Variants in ARSF observed in about 807,000 individuals in gnomAD.
ARSF encodes the protein arylsulfatase F.
Under a neutral mutation model 35.4 loss-of-function variants are expected in ARSF, and 33 were observed. The observed-to-expected ratio is 0.93, with a 90% CI of 0.71 to 1.25. The LOEUF is 1.25. Among genes scored for constraint, ARSF ranks in the 50% most tolerant of loss-of-function variants. ARSF has a pLI of 0.00. For missense variants in ARSF, 501 were observed against 480.2 expected (o/e 1.04, Z -0.40); for synonymous variants, 222 against 193.1 (o/e 1.15, Z -1.24).
chrX:3,073,233 A>G (rs1157557227), intron 3 of ARSF, among the ~76,000 whole-genome samples: 3 of 87,106 alleles, frequency 3.4e-5, no homozygotes, highest in Non-Finnish European at 6.8e-5. Flanking sequence ...ATATAAATAT[A>G]TATTTATATA....
intron 2 of ARSF, among the ~76,000 whole-genome samples, chrX:3,070,152 G>A (rs2090093071): frequency 1.8e-5 from 2 of 111,697 alleles, no homozygotes; most frequent in Non-Finnish European, 3.8e-5. Context: ...TGGTATTGGT[G>A]TTTCTGTGCC....
intron 8 of ARSF, among the ~76,000 whole-genome samples, chrX:3,102,991 A>G (rs909179221): frequency 8.9e-6 from 1 of 112,151 alleles, no homozygotes; most frequent in African/African-American, 3.2e-5. Flanking sequence ...ATAAGAGTCA[A>G]TTAACACAGG....
At chrX:3,082,701 C>T (rs1193660104) in intron 5 of ARSF, among the ~76,000 whole-genome samples, 1 of 111,773 alleles carries the variant, frequency 8.9e-6, no homozygotes, top group Non-Finnish European at 1.9e-5. Context: ...ATCTGTCCTC[C>T]ATCATTTATT....
chrX:3,071,397 G>A (rs1056331651), intron 2 of ARSF, among the ~76,000 whole-genome samples: 15 of 110,414 alleles, frequency 1.4e-4, no homozygotes, highest in African/African-American at 2.0e-4. Flanking sequence ...TCCGCCTCCC[G>A]GGTTCAAGTG....
chrX:3,093,541 A>C (rs1442454984), intron 7 of ARSF, among the ~76,000 whole-genome samples: 1 of 112,119 alleles, frequency 8.9e-6, no homozygotes, highest in Non-Finnish European at 1.9e-5. Flanking sequence ...TAATTTGCTT[A>C]GGACAATAGC....
chrX:3,051,093 G>T (rs1385718781), intron 1 of ARSF, among the ~76,000 whole-genome samples: 3 of 111,218 alleles, frequency 2.7e-5, no homozygotes, highest in Non-Finnish European at 5.7e-5. Context: ...TTCCTGCCTT[G>T]CTCATGCCTG....
At chrX:3,050,095 T>C (rs1196510358) in intron 1 of ARSF, among the ~76,000 whole-genome samples, 1 of 110,782 alleles carries the variant, frequency 9.0e-6, no homozygotes. Flanking sequence ...AGATAATTGT[T>C]AAGAAATAAA....
At chrX:3,060,684 C>T (rs1045098621) in intron 1 of ARSF, among the ~76,000 whole-genome samples, 15 of 111,016 alleles carry the variant, frequency 1.4e-4, no homozygotes, top group Admixed American at 9.7e-5. Context: ...CTTCAATAGC[C>T]GATTCAATCA....
At chrX:3,086,366 T>C (rs767089536) in intron 6 of ARSF, among the ~76,000 whole-genome samples, 80 of 112,342 alleles carry the variant, frequency 7.1e-4, no homozygotes, top group African/African-American at 2.5e-3. Context: ...TTCCATATGA[T>C]CCACAATAAC....
chrX:3,075,301 C>T (rs1312446774), intron 3 of ARSF, among the ~76,000 whole-genome samples: 3 of 111,749 alleles, frequency 2.7e-5, no homozygotes, highest in Non-Finnish European at 5.6e-5. Context: ...CACCTTGACA[C>T]GGGCAAAAAA....
Position 3,072,167 on chromosome X carries a change from C to T in ARSF, c.153C>T (p.Asp51=), listed in dbSNP as rs1360759075. 8.3e-7 allele frequency: 1 copy of T among 1,210,405 alleles called. No individual in the cohort carries two copies. Among genetic ancestry groups the T allele is most frequent in the Non-Finnish European group, 1.1e-6 (1 of 894,500 alleles). The change falls in exon 3 of 11, where the codon GAC becomes GAT. Residue 51 remains aspartate (D), a synonymous_variant. Transcript: ENST00000381127. ...GIGDLGCYGN[D]TMRTPHIDRL... is the part of the protein sequence containing the mutation. ...GAGATCTGGGCTGCTACGGCAATGA[C>T]ACCATGAGGTAAGGCGGTTTCATGG...
At chrX:3,094,148 C>T (rs966934130) in intron 7 of ARSF, among the ~76,000 whole-genome samples, 1 of 111,709 alleles carries the variant, frequency 9.0e-6, no homozygotes, top group Non-Finnish European at 1.9e-5. Flanking sequence ...ACAACATCCC[C>T]GGAGACGAGT....
intron 2 of ARSF, among the ~76,000 whole-genome samples, chrX:3,068,901 A>T (rs923915239): frequency 8.9e-6 from 1 of 112,380 alleles, no homozygotes; most frequent in African/African-American, 3.2e-5. Context: ...CAGCAAAAAA[A>T]TTGTACTCTT....
intron 8 of ARSF, 124 bp downstream of exon 8, chrX:3,101,345 T>C: frequency 1.2e-6 from 1 of 853,503 alleles, no homozygotes; most frequent in Non-Finnish European, 1.6e-6. Context: ...TTAATTTGAC[T>C]CTTAGTAAAA....
chrX:3,052,795 T>C (rs1422482168), intron 1 of ARSF, among the ~76,000 whole-genome samples: 1 of 111,659 alleles, frequency 9.0e-6, no homozygotes, highest in Non-Finnish European at 1.9e-5. Context: ...CCTGCAATCC[T>C]TTTACACCTA....
chrX:3,071,886 A>G (rs1482730304), intron 2 of ARSF, 140 bp from the exon 3 acceptor site: 16 of 593,793 alleles, frequency 2.7e-5, no homozygotes, highest in Non-Finnish European at 4.0e-5. Flanking sequence ...CGGTGCTTGG[A>G]GAGAGACACT....
intron 9 of ARSF, among the ~76,000 whole-genome samples, chrX:3,109,638 T>C (rs1388380815): frequency 1.8e-5 from 2 of 111,079 alleles, no homozygotes; most frequent in African/African-American, 3.3e-5. Context: ...CCCATCTTCA[T>C]GTTCATGTGT....
chrX:3,099,112 A>G (rs1036645178), intron 7 of ARSF, among the ~76,000 whole-genome samples: 2 of 111,376 alleles, frequency 1.8e-5, no homozygotes, highest in Admixed American at 1.9e-4. Flanking sequence ...ATTTGGGAAT[A>G]AGATGCAGAT....
chrX:3,077,189 G>A (rs540642062), intron 4 of ARSF, among the ~76,000 whole-genome samples: 10 of 112,517 alleles, frequency 8.9e-5, no homozygotes, highest in Non-Finnish European at 1.7e-4. Flanking sequence ...GTCTTTTGAT[G>A]CAATGAGAGT....
Sources: gnomAD v4.1 joint callset for allele counts (sites outside exome capture counted in the v4.1 genomes callset) on GRCh38, gnomAD v4.1.1 for gene constraint, MANE v1.5 for transcripts, NCBI Gene and HGNC (gene_info 2026-07-23, HGNC 2026-07-21) for gene names.